Variants in STK32C observed in about 807,000 individuals in gnomAD.
STK32C encodes serine/threonine-protein kinase 32C.
STK32C carries 31 observed loss-of-function variants against 56.5 expected under a neutral mutation model. The observed-to-expected ratio is 0.55, with a 90% confidence interval of 0.41 to 0.74. The LOEUF is 0.74. Ranked by LOEUF, STK32C falls within the 30% of genes least tolerant of loss-of-function variation. STK32C has a pLI of 0.00. For synonymous variants in STK32C, 309 were observed against 289.4 expected, an observed-to-expected ratio of 1.07 and a Z score of -0.69; for missense variants, 544 against 676.9, an observed-to-expected ratio of 0.80 and a Z score of 2.18.
intron 10 of STK32C, among the ~76,000 whole-genome samples, chr10:132,220,953 CAG>C (rs1491528374): frequency 3.3e-5 from 5 of 152,268 alleles, no homozygotes; most frequent in Admixed American, 6.5e-5. Flanking sequence ...ATTATCAAGA[CAG>C]GGGAGCTGCA....
intron 1 of STK32C, among the ~76,000 whole-genome samples, chr10:132,282,750 G>C (rs74161768): frequency 0.07 from 10,654 of 152,320 alleles, 1,173 homozygotes; most frequent in African/African-American, 0.24. Context: ...GGGGCCACCA[G>C]TTAAACATCT....
rs998308981 is a variant in STK32C at position 132,283,928 on chromosome 10, C to T, written c.262+23644G>A. Among the ~76,000 whole-genome samples the T allele has an allele frequency of 1.2e-4, 19 of 152,256 alleles. No homozygotes were observed. The South Asian group carries it at 2.7e-3, about 22-fold the overall frequency. On this transcript the variant is annotated intron_variant, in intron 1 of 11. Coordinates refer to ENST00000298630, the MANE Select transcript of STK32C (RefSeq NM_173575.4). ...AGTCCAGGGGAACCAAAGGAGAAGA[C>T]GGGTGCAGCCCCCACCTGATGGTCA...
At chr10:132,253,302 C>G (rs538759096) in intron 1 of STK32C, among the ~76,000 whole-genome samples, 6 of 152,276 alleles carry the variant, frequency 3.9e-5, no homozygotes, top group African/African-American at 1.4e-4. Context: ...GAACTGGAAC[C>G]GGGCAAAAGG....
At chr10:132,209,283 C>A (rs746833942) in intron 10 of STK32C, 182 bp from the exon 11 acceptor site, 8 of 709,462 alleles carry the variant, frequency 1.1e-5, no homozygotes, top group African/African-American at 5.2e-5. Flanking sequence ...CGCATCTCTG[C>A]GGGTGACTCA....
chr10:132,317,967 C>CAAAAA (rs1223040750), intron 1 of STK32C, among the ~76,000 whole-genome samples: 1 of 55,574 alleles, frequency 1.8e-5, no homozygotes, highest in Non-Finnish European at 3.8e-5. Context: ...GACTCTGTCT[C>CAAAAA]AAAAAAAAAA....
At chr10:132,217,362 G>A (rs1180956909) in intron 10 of STK32C, among the ~76,000 whole-genome samples, 1 of 152,190 alleles carries the variant, frequency 6.6e-6, no homozygotes, top group Non-Finnish European at 1.5e-5. Flanking sequence ...CCCAGTGCCT[G>A]TACCCCTATT....
At position 132,228,148 on chromosome 10, in the gene STK32C, T is replaced by G. The variant is rs758458873; in HGVS notation, c.319-20A>C. On this transcript the variant is annotated intron_variant, in intron 2 of 11. Coordinates refer to ENST00000298630, the MANE Select transcript of STK32C (RefSeq NM_173575.4). ...GCACACCTGGAGGGCACAGGGCTGT[T>G]CGGCAGGACGCCTGAGGACGCCTGG... The G allele has an allele frequency of 2.5e-6, 4 of 1,613,710 alleles. No homozygotes were observed. The highest frequency in any genetic ancestry group is 3.4e-6 in the Non-Finnish European group (4 of 1,180,016).
chr10:132,327,742 G>A (rs1451735603), intron 1 of STK32C, among the ~76,000 whole-genome samples: 6 of 152,170 alleles, frequency 3.9e-5, no homozygotes, highest in African/African-American at 1.2e-4. Context: ...CTCCCAAAGC[G>A]CTGGGATTAC....
At chr10:132,252,508 G>T (rs1285336686) in intron 1 of STK32C, among the ~76,000 whole-genome samples, 1 of 152,274 alleles carries the variant, frequency 6.6e-6, no homozygotes, top group Non-Finnish European at 1.5e-5. Flanking sequence ...CTCAAATTAA[G>T]ACGCAGGTAA....
intron 2 of STK32C, among the ~76,000 whole-genome samples, chr10:132,239,005 G>A (rs1398026005): frequency 6.6e-6 from 1 of 152,192 alleles, no homozygotes; most frequent in African/African-American, 2.4e-5. Context: ...CCCTGGGCCA[G>A]GCTGGACATG....
intron 10 of STK32C, among the ~76,000 whole-genome samples, chr10:132,218,170 G>A (rs974774018): frequency 6.6e-6 from 1 of 152,004 alleles, no homozygotes; most frequent in African/African-American, 2.4e-5. Flanking sequence ...TTTTTCAAAT[G>A]AGCCAGGTGT....
At chr10:132,297,155 G>A (rs2065774229) in intron 1 of STK32C, among the ~76,000 whole-genome samples, 1 of 152,232 alleles carries the variant, frequency 6.6e-6, no homozygotes, top group African/African-American at 2.4e-5. Flanking sequence ...TCTGGCTGCT[G>A]TGGCTCTGGG....
chr10:132,221,260 C>T (rs2062630750), intron 10 of STK32C, among the ~76,000 whole-genome samples: 1 of 151,432 alleles, frequency 6.6e-6, no homozygotes, highest in African/African-American at 2.4e-5. Flanking sequence ...ACGTGGCCAT[C>T]CCCACACACA....
At chr10:132,238,223 C>A (rs1196707990) in intron 2 of STK32C, among the ~76,000 whole-genome samples, 2 of 152,296 alleles carry the variant, frequency 1.3e-5, no homozygotes, top group Non-Finnish European at 2.9e-5. Context: ...GAGGCCCCCA[C>A]GGGAAGCTAC....
intron 2 of STK32C, among the ~76,000 whole-genome samples, chr10:132,233,102 C>T (rs376030739): frequency 1.4e-4 from 22 of 152,186 alleles, no homozygotes; most frequent in South Asian, 6.2e-4. Context: ...GACAGCAGGG[C>T]GGGACAGGGC....
chr10:132,219,779 A>T (rs2062576440), intron 10 of STK32C, among the ~76,000 whole-genome samples: 1 of 152,158 alleles, frequency 6.6e-6, no homozygotes, highest in African/African-American at 2.4e-5. Flanking sequence ...CACCCAGGGC[A>T]TGACCCCACC....
At chr10:132,331,529 C>G in exon 1 of STK32C, 1 of 1,612,966 alleles carries the variant, frequency 6.2e-7, no homozygotes, top group Non-Finnish European at 8.5e-7. Flanking sequence ...GCAGCAAGTC[C>G]TGAGGCAAGA....
At chr10:132,225,488 G>A (rs781351337) in intron 6 of STK32C, 39 bp downstream of exon 6, 3 of 1,612,164 alleles carry the variant, frequency 1.9e-6, no homozygotes, top group Non-Finnish European at 2.5e-6. Flanking sequence ...CCCACCTGGA[G>A]GAAGCCAGCT....
chr10:132,321,817 G>T (rs149903152), downstream of STK32C, among the ~76,000 whole-genome samples: 1 of 152,170 alleles, frequency 6.6e-6, no homozygotes, highest in Non-Finnish European at 1.5e-5. Context: ...TCAGTGTGAC[G>T]TATTTGTGCT....
Sources: gnomAD v4.1 joint callset for allele counts (sites outside exome capture counted in the v4.1 genomes callset) on GRCh38, gnomAD v4.1.1 for gene constraint, MANE v1.5 for transcripts, NCBI Gene and HGNC (gene_info 2026-07-23, HGNC 2026-07-21) for gene names.